MAP3K12: variants seen among roughly 807,000 people sequenced by gnomAD.
MAP3K12 encodes mitogen-activated protein kinase kinase kinase 12, also known as MAPK-upstream kinase.
In MAP3K12, 14 loss-of-function variants were observed where a neutral mutation model predicts 87.5. The ratio of observed to expected loss-of-function variants is 0.16; its 90% CI spans 0.11 to 0.25. MAP3K12 has a LOEUF of 0.25. Ranked by LOEUF, MAP3K12 falls within the 10% of genes least tolerant of loss-of-function variation. The pLI, the probability that MAP3K12 is intolerant of heterozygous loss-of-function variation, is 1.00. For missense variants in MAP3K12, 802 were observed against 1,140.4 expected (o/e 0.70, Z 4.27); for synonymous variants, 469 against 452.5 (o/e 1.04, Z -0.46).
In MAP3K12 at chr12:53,483,925, C is replaced by T; in HGVS notation, c.1344G>A (p.Arg448=). 6.2e-7 allele frequency: 1 copy of T among 1,614,220 alleles called. No individual in the cohort carries two copies. Among genetic ancestry groups the T allele is most frequent in the Non-Finnish European group, 8.5e-7 (1 of 1,180,026 alleles). ...HRLEEELVMR[R]REELRHALDI... ...CGGGAACTCACCTGAGCTCCTCCCT[C>T]CTCCTCATCACCAGTTCCTCTTCTA... Residue 448 remains arginine, a synonymous_variant, in exon 8 of 14, where the codon AGG becomes AGA. Coordinates refer to ENST00000547488, the MANE Select transcript of MAP3K12 (RefSeq NM_001193511.2).
chr12:53,501,367 G>A (rs1325652397), upstream of MAP3K12: 3 of 1,552,354 alleles, frequency 1.9e-6, no homozygotes, highest in Non-Finnish European at 2.6e-6. Context: ...GGGGCGCGTG[G>A]AGGCTGCAGT....
rs755716823 is a variant in MAP3K12 at position 53,483,425 on chromosome 12, G to C, written c.1537C>G (p.Leu513Val). 6.2e-7 allele frequency: 1 copy of C among 1,614,108 alleles called. No homozygotes were observed. The highest frequency in any genetic ancestry group is 8.5e-7 in the Non-Finnish European group (1 of 1,180,024). The change falls in exon 10 of 14, where the codon CTC (leucine) becomes GTC (valine). Residue 513 changes from leucine to valine, a missense_variant. By Grantham distance (32) the Leu-to-Val change is conservative. Transcript: ENST00000547488. Reference sequence around the variant, plus strand: ...TTCTCCATTGTGTTTCCATGCAGGAGGCCCCGGGAAGGGTGTGGCTTCAGC... The same window carrying C: ...TTCTCCATTGTGTTTCCATGCAGGACGCCCCGGGAAGGGTGTGGCTTCAGC... The part of the protein sequence containing the change: ...GLLKPHPSRG[L>V]LHGNTMEKLI...
intron 1 of MAP3K12, among the ~76,000 whole-genome samples, chr12:53,489,962 TC>T (rs771384457): frequency 3.3e-5 from 5 of 152,260 alleles, no homozygotes; most frequent in Non-Finnish European, 7.4e-5. Flanking sequence ...CCAAGTGCCC[TC>T]CCTAACCCCA....
chr12:53,488,488 C>A (rs2137205750), intron 1 of MAP3K12, among the ~76,000 whole-genome samples: 1 of 152,158 alleles, frequency 6.6e-6, no homozygotes, highest in South Asian at 2.1e-4. Context: ...ATGGAGAAAC[C>A]CCGTCTCTAC....
Position 53,487,226 on chromosome 12 carries a change from C to CAAGGGGTACCACATCTCG in MAP3K12, c.148_165dup (p.Arg50_Leu55dup), listed in dbSNP as rs2137199655. The CAAGGGGTACCACATCTCG allele has an allele frequency of 3.1e-6, 5 of 1,613,994 alleles. No individual in the cohort carries two copies. The highest frequency in any genetic ancestry group is 4.2e-6 in the Non-Finnish European group (5 of 1,179,948). On this transcript the variant is annotated inframe_insertion, in exon 2 of 14. Transcript: ENST00000547488. ...CTGGGCCCTCCCCCACCCTGCCCAC[C>CAAGGGGTACCACATCTCG]AAGGGGTACCACATCTCGAAGTACA... is the stretch of plus-strand genomic sequence containing the variant.
Position 53,482,003 on chromosome 12 carries a change from C to T in MAP3K12, c.2518G>A (p.Val840Ile), listed in dbSNP as rs369884606. Residue 840 changes from valine to isoleucine, a missense_variant, in exon 13 of 14, where the codon GTC (valine) becomes ATC (isoleucine). Val to Ile is a conservative substitution (Grantham distance 29). This residue lies in a region of MAP3K12 where 490 missense variants were observed against 496.6 expected (regional missense o/e 0.99). Coordinates refer to ENST00000547488, the MANE Select transcript of MAP3K12 (RefSeq NM_001193511.2). ...GAGCTGGGTTCAGGGCCAGGGATGA[C>T]CTCTGAAGGAGGTGGGTCCAGTGGG... is the stretch of plus-strand genomic sequence containing the variant. ...EIPLDPPPSE[V>I]IPGPEPSSLP... The T allele has an allele frequency of 3.1e-6, 5 of 1,614,062 alleles. No individual in the cohort carries two copies. Among genetic ancestry groups the T allele is most frequent in the East Asian group, 2.2e-5 (1 of 44,898 alleles).
chr12:53,499,925 C>CCTCAGTTGGGATCCCTAGCG (rs1445983962), upstream of MAP3K12: 1 of 152,386 alleles, frequency 6.6e-6, no homozygotes, highest in Admixed American at 6.5e-5. Flanking sequence ...GAGAGCAGCC[C>CCTCAGTTGGGATCCCTAGCG]CTCAGTTGGG....
rs762279492 is a variant in MAP3K12, at chr12:53,487,180, G to A, written c.212C>T (p.Pro71Leu). ...ACTGTTGGCAAAAGGCTCAGGGGGC[G>A]GCTCTCCACCTGGGGAGGGGCTGGG... ...GGPSPSPGGE[P>L]PPEPFANSVL... is the part of the protein sequence containing the mutation. The change falls in exon 2 of 14, where the codon CCG becomes CTG. Residue 71 changes from proline (P) to leucine (L), a missense_variant. Physicochemically the swap from Pro to Leu is moderately conservative, Grantham distance 98 (BLOSUM62 -3). This residue lies in a region of MAP3K12 where 135 missense variants were observed against 151.6 expected (regional missense o/e 0.89). Coordinates refer to ENST00000547488, the MANE Select transcript of MAP3K12 (RefSeq NM_001193511.2). The A allele has an allele frequency of 4.3e-6, 7 of 1,613,994 alleles. No individual in the cohort carries two copies. The highest frequency in any genetic ancestry group is 2.2e-5 in the South Asian group (2 of 91,078).
At chr12:53,501,513 G>A (rs781406868), upstream of MAP3K12, 36 of 1,551,212 alleles carry the variant, frequency 2.3e-5, no homozygotes, top group Non-Finnish European at 3.1e-5. Context: ...GGGCCGTGCG[G>A]AGGGAGTAGC....
chr12:53,499,596 G>T (rs1943633221), upstream of MAP3K12: 2 of 151,780 alleles, frequency 1.3e-5, no homozygotes, highest in Non-Finnish European at 2.9e-5. Context: ...CGGATGCACG[G>T]GTGTCAGCTT....
chr12:53,490,463 C>T (rs1007366700), intron 1 of MAP3K12, among the ~76,000 whole-genome samples: 5 of 151,350 alleles, frequency 3.3e-5, no homozygotes, highest in African/African-American at 4.9e-5. Flanking sequence ...AAAAATTAGC[C>T]GGCCAGGCAC....
chr12:53,501,454 C>T, upstream of MAP3K12: 1 of 1,568,892 alleles, frequency 6.4e-7, no homozygotes, highest in Non-Finnish European at 8.6e-7. Flanking sequence ...GGGCTGCGGG[C>T]TGCCTAGGTG....
chr12:53,482,776 G>A lies in MAP3K12; in HGVS notation c.2027C>T (p.Pro676Leu). Residue 676 changes from proline to leucine, a missense_variant, in exon 11 of 14, where the codon CCA becomes CTA. Pro to Leu is a moderately conservative substitution (Grantham distance 98). Coordinates refer to ENST00000547488, the MANE Select transcript of MAP3K12 (RefSeq NM_001193511.2). Reference sequence around the variant, plus strand: ...GCCAGGGGCTGAGCCCTCACTTGGTGGGGTGTCACCCCGGGCCGGAGGTGG... The same window carrying A: ...GCCAGGGGCTGAGCCCTCACTTGGTAGGGTGTCACCCCGGGCCGGAGGTGG... ...GSPPPARGDT[P>L]PSEGSAPGST... The A allele has an allele frequency of 6.2e-7, 1 of 1,613,684 alleles. No homozygotes were observed. Among genetic ancestry groups the A allele is most frequent in the Non-Finnish European group, 8.5e-7 (1 of 1,179,746 alleles).
chr12:53,491,287 C>CAAAAAAAAAAAAAAAA (rs780256956), intron 1 of MAP3K12, among the ~76,000 whole-genome samples: 2 of 52,862 alleles, frequency 3.8e-5, no homozygotes, highest in Admixed American at 3.0e-4. Context: ...GACTCTGTCT[C>CAAAAAAAAAAAAAAAA]AAAAAAAAAA....
chr12:53,501,081 G>C (rs894633144), upstream of MAP3K12: 1 of 387,546 alleles, frequency 2.6e-6, no homozygotes, highest in Admixed American at 4.1e-5. Context: ...CCGGGAGAGA[G>C]GGGGCGCGGA....
rs1339621866 is a variant in MAP3K12, at chr12:53,483,362, G to A, written c.1600C>T (p.Pro534Ser). The A allele has an allele frequency of 6.2e-7, 1 of 1,614,136 alleles. No individual in the cohort carries two copies. The highest frequency in any genetic ancestry group is 2.2e-5 in the East Asian group (1 of 44,876). The change falls in exon 10 of 14, where the codon CCC (proline) becomes TCC (serine). Residue 534 changes from proline to serine, a missense_variant. Coordinates refer to ENST00000547488, the MANE Select transcript of MAP3K12 (RefSeq NM_001193511.2). ...CTCATGTCCCACCTTTTGCTATGGG[G>A]TGACAGCTTCTGTGGCACATTCCTC... ...KKRNVPQKLS[P>S]HSKRPDILKT...
chr12:53,490,993 T>C (rs1943382875), intron 1 of MAP3K12, among the ~76,000 whole-genome samples: 1 of 151,702 alleles, frequency 6.6e-6, no homozygotes, highest in Non-Finnish European at 1.5e-5. Context: ...ATGGCTAACT[T>C]AAGGAAGGCT....
At position 53,487,316 on chromosome 12, in the gene MAP3K12, T is replaced by C. The variant is rs1033524044; in HGVS notation, c.76A>G (p.Met26Val). The change falls in exon 2 of 14, where the codon ATG becomes GTG. Residue 26 changes from methionine to valine, a missense_variant. Met to Val is a conservative substitution (Grantham distance 21). Coordinates refer to ENST00000547488, the MANE Select transcript of MAP3K12 (RefSeq NM_001193511.2). The part of the protein sequence containing the change: ...GFVSTLSEAS[M>V]RKLDPDTSDC... ...GAAGTGTCTGGGTCCAGCTTGCGCA[T>C]GGATGCCTCACTTAGGGTAGACACA... 2 of 1,613,806 alleles carry C rather than the reference T, an allele frequency of 1.2e-6. No homozygotes were observed. Among genetic ancestry groups the C allele is most frequent in the African/African-American group, 2.7e-5 (2 of 74,824 alleles).
At chr12:53,488,271 G>A (rs1943293165) in intron 1 of MAP3K12, among the ~76,000 whole-genome samples, 2 of 152,198 alleles carry the variant, frequency 1.3e-5, no homozygotes, top group African/African-American at 4.8e-5. Flanking sequence ...ACAAGGTCTT[G>A]TCTTCTCTTT....
Sources: gnomAD v4.1 joint callset for allele counts (sites outside exome capture counted in the v4.1 genomes callset) on GRCh38, gnomAD v4.1.1 for gene constraint, gnomAD v4.1.1 regional missense constraint, MANE v1.5 for transcripts, NCBI Gene and HGNC (gene_info 2026-07-23, HGNC 2026-07-21) for gene names.